Variants in SMYD3 observed in about 807,000 individuals in gnomAD.
SMYD3 encodes SET and MYND domain containing 3, also known as histone-lysine N-methyltransferase SMYD3.
SMYD3 carries 36 observed loss-of-function variants against 57.7 expected under a neutral mutation model. The observed-to-expected ratio is 0.62, with a 90% CI of 0.48 to 0.82. The LOEUF is 0.82. Ranked by LOEUF, SMYD3 falls within the 40% of genes least tolerant of loss-of-function variation. The pLI is 0.00. For missense variants in SMYD3, 515 were observed against 538.8 expected (o/e 0.96, Z 0.44); for synonymous variants, 211 against 195.0 (o/e 1.08, Z -0.68).
chr1:246,077,060 G>C (rs2060561885), intron 5 of SMYD3, among the ~76,000 whole-genome samples: 1 of 152,120 alleles, frequency 6.6e-6, no homozygotes. Context: ...AGAAATAGGA[G>C]ACCAGGGAAG....
intron 5 of SMYD3, among the ~76,000 whole-genome samples, chr1:246,060,438 ATATCT>A (rs1216565068): frequency 2.6e-5 from 4 of 152,134 alleles, no homozygotes; most frequent in African/African-American, 9.7e-5. Context: ...TATCCTAATC[ATATCT>A]TAACTCTAAA....
At chr1:246,492,309 C>G (rs1207353033) in intron 1 of SMYD3, among the ~76,000 whole-genome samples, 1 of 152,126 alleles carries the variant, frequency 6.6e-6, no homozygotes, top group Non-Finnish European at 1.5e-5. Context: ...TCGATCAGTA[C>G]TGAGTGTAGC....
intron 5 of SMYD3, among the ~76,000 whole-genome samples, chr1:245,996,590 G>C (rs1356811623): frequency 6.6e-6 from 1 of 152,304 alleles, no homozygotes; most frequent in Non-Finnish European, 1.5e-5. Context: ...TAAAAATTCA[G>C]TAACTATCTG....
chr1:246,452,518 A>G (rs2067647023), intron 1 of SMYD3, among the ~76,000 whole-genome samples: 1 of 152,178 alleles, frequency 6.6e-6, no homozygotes, highest in African/African-American at 2.4e-5. Flanking sequence ...ACGGAAAAAA[A>G]AGACTCATTT....
At chr1:246,420,224 T>C (rs899445776) in intron 1 of SMYD3, among the ~76,000 whole-genome samples, 5 of 151,096 alleles carry the variant, frequency 3.3e-5, no homozygotes, top group Non-Finnish European at 5.9e-5. Flanking sequence ...CTGTCATGAC[T>C]TGATATAGCA....
intron 10 of SMYD3, among the ~76,000 whole-genome samples, chr1:245,790,997 G>A (rs554172915): frequency 6.6e-6 from 1 of 152,298 alleles, no homozygotes; most frequent in African/African-American, 2.4e-5. Flanking sequence ...GACTGTGGAT[G>A]TGAATTTGGT....
intron 10 of SMYD3, among the ~76,000 whole-genome samples, chr1:245,777,399 A>G (rs1489357346): frequency 6.6e-6 from 1 of 152,250 alleles, no homozygotes; most frequent in East Asian, 1.9e-4. Context: ...CAAAAAATTG[A>G]GAAGTGTTTA....
intron 1 of SMYD3, among the ~76,000 whole-genome samples, chr1:246,481,419 G>A (rs1022343375): frequency 1.3e-5 from 2 of 150,674 alleles, no homozygotes; most frequent in African/African-American, 4.9e-5. Flanking sequence ...ACAAAAGAAT[G>A]GAGAAAGGGT....
Position 246,109,362 on chromosome 1 carries a change from G to A in SMYD3, c.532-179425C>T, listed in dbSNP as rs552017735. Among the ~76,000 whole-genome samples, 15 of 152,310 alleles carry A rather than the reference G, an allele frequency of 9.8e-5. No individual in the cohort carries two copies. In the South Asian group the frequency reaches 3.1e-3, roughly 32 times the overall value. On this transcript the variant is annotated intron_variant, in intron 5 of 11. Transcript: ENST00000490107. Reference sequence around the variant, plus strand: ...CATATAACTGGACCAGCTTACTGAAGAGTAGCCCTACAGCAGTCACTTCGC... The same window carrying A: ...CATATAACTGGACCAGCTTACTGAAAAGTAGCCCTACAGCAGTCACTTCGC...
chr1:246,208,126 A>G (rs2063028693), intron 5 of SMYD3, among the ~76,000 whole-genome samples: 1 of 152,180 alleles, frequency 6.6e-6, no homozygotes, highest in African/African-American at 2.4e-5. Flanking sequence ...CAATTTTAGA[A>G]TGATAGTTAT....
chr1:245,843,278 G>A (rs891234341), intron 10 of SMYD3, among the ~76,000 whole-genome samples: 1 of 152,118 alleles, frequency 6.6e-6, no homozygotes, highest in Non-Finnish European at 1.5e-5. Flanking sequence ...AGCCAGCCTG[G>A]TGGGGAACTA....
chr1:246,155,352 T>G (rs2062006478), intron 5 of SMYD3, among the ~76,000 whole-genome samples: 2 of 152,236 alleles, frequency 1.3e-5, no homozygotes, highest in African/African-American at 4.8e-5. Context: ...GCAGATAATG[T>G]TCGTCCCTTA....
At chr1:245,783,195 T>A (rs999645587) in intron 10 of SMYD3, among the ~76,000 whole-genome samples, 1 of 152,184 alleles carries the variant, frequency 6.6e-6, no homozygotes, top group Non-Finnish European at 1.5e-5. Flanking sequence ...AAGAGAAGGC[T>A]GAGATATGAG....
chr1:245,753,648 G>A (rs1345773683), intron 11 of SMYD3, among the ~76,000 whole-genome samples: 3 of 150,050 alleles, frequency 2.0e-5, no homozygotes, highest in African/African-American at 7.3e-5. Flanking sequence ...AGTCCTCAAC[G>A]ATGTACGGAG....
chr1:245,807,596 G>A lies in SMYD3; in HGVS notation c.1077-43447C>T, dbSNP rs1418282556. 3.3e-5 allele frequency among the ~76,000 whole-genome samples: 5 copies of A among 152,032 alleles called. No homozygotes were observed. In the East Asian group the frequency reaches 5.8e-4, roughly 18 times the overall value. On this transcript the variant is annotated intron_variant, in intron 10 of 11. Transcript: ENST00000490107. ...TCGCAGCCAACTCAAAACCGCACTC[G>A]AAAACGGCCTTGCATTCATGGACTG...
intron 8 of SMYD3, among the ~76,000 whole-genome samples, chr1:245,865,879 G>A (rs1004625108): frequency 6.6e-6 from 1 of 152,202 alleles, no homozygotes; most frequent in African/African-American, 2.4e-5. Flanking sequence ...CAAAGGGTAA[G>A]CACTCTTAGA....
intron 5 of SMYD3, among the ~76,000 whole-genome samples, chr1:246,019,672 C>G (rs1327850652): frequency 1.3e-5 from 2 of 152,142 alleles, no homozygotes; most frequent in Non-Finnish European, 2.9e-5. Context: ...TTACCTAGGT[C>G]CATCTGTGCT....
chr1:245,914,632 T>A (rs1572673215), intron 8 of SMYD3, among the ~76,000 whole-genome samples: 1 of 151,816 alleles, frequency 6.6e-6, no homozygotes, highest in African/African-American at 2.4e-5. Context: ...TGGGGAGAGG[T>A]TGGTTAATGA....
At chr1:246,228,837 A>T (rs2063369303) in intron 5 of SMYD3, among the ~76,000 whole-genome samples, 1 of 152,108 alleles carries the variant, frequency 6.6e-6, no homozygotes, top group East Asian at 1.9e-4. Flanking sequence ...TAGTATGTAT[A>T]TTATTTTTAG....
Sources: gnomAD v4.1 joint callset for allele counts (sites outside exome capture counted in the v4.1 genomes callset) on GRCh38, gnomAD v4.1.1 for gene constraint, MANE v1.5 for transcripts, NCBI Gene and HGNC (gene_info 2026-07-23, HGNC 2026-07-21) for gene names.